SH3D21: variants seen among roughly 807,000 people sequenced by gnomAD.
SH3D21 encodes the protein SH3 domain-containing protein 21.
SH3D21 carries 83 observed loss-of-function variants against 82.1 expected under a neutral mutation model. The observed-to-expected ratio is 1.01, with a 90% CI of 0.85 to 1.21. The LOEUF is 1.21. Among genes scored for constraint, SH3D21 ranks in the 50% most tolerant of loss-of-function variants. The pLI is 0.00. For missense variants in SH3D21, 980 were observed against 962.1 expected, an observed-to-expected ratio of 1.02 and a Z score of -0.25; for synonymous variants, 383 against 387.8, an observed-to-expected ratio of 0.99 and a Z score of 0.15.
At chr1:36,322,468 T>A (rs1202001077), downstream of SH3D21, 14 of 1,604,598 alleles carry the variant, frequency 8.7e-6, no homozygotes, top group Non-Finnish European at 1.1e-5. Context: ...ACGTTGACGT[T>A]GAGGGGCCCG....
In SH3D21 at chr1:36,307,752, C is replaced by T; in HGVS notation, c.437-18C>T. ...CCTGTGAATTAGCACCCTCCCTAAC[C>T]TCACTGTCCCCCACTAGGCCTTGGT... On this transcript the variant is annotated intron_variant, in intron 5 of 15. Transcript: ENST00000453908. This position sits in a 1 kb window ranked among gnomAD's most constrained non-coding sequence, Gnocchi z 5.4. 3.9e-6 allele frequency: 6 copies of T among 1,551,258 alleles called. No homozygotes were observed. Among genetic ancestry groups the T allele is most frequent in the African/African-American group, 2.7e-5 (2 of 73,164 alleles).
chr1:36,325,520 A>G (rs1646533121), downstream of SH3D21, among the ~76,000 whole-genome samples: 1 of 151,994 alleles, frequency 6.6e-6, no homozygotes, highest in African/African-American at 2.4e-5. Context: ...TCCCCTGAGA[A>G]TACTGAGGGA....
In SH3D21 at chr1:36,306,866, T is replaced by C; in HGVS notation, c.187T>C (p.Ser63Pro). 1 of 1,298,272 alleles carries C rather than the reference T, an allele frequency of 7.7e-7. No homozygotes were observed. The highest frequency in any genetic ancestry group is 1.0e-6 in the Non-Finnish European group (1 of 993,726). The allele number at this position is 1,298,272 out of a possible 1,614,324, so 80.4% of individuals were successfully genotyped here. ...VQEIPETLRGSGEARRPRCAR... is the reference protein window; with the variant it reads ...VQEIPETLRGPGEARRPRCAR... ...GGAGATCCCAGAGACCCTGCGGGGC[T>C]CCGGAGAGGCGCGGAGGCCGCGCTG... is the stretch of plus-strand genomic sequence containing the variant. Residue 63 changes from serine to proline, a missense_variant, in exon 3 of 16, where the codon TCC becomes CCC. Coordinates refer to ENST00000453908, the MANE Select transcript of SH3D21 (RefSeq NM_001162530.2). This position sits in a 1 kb window ranked among gnomAD's most constrained non-coding sequence, Gnocchi z 4.5.
chr1:36,321,542 C>A, downstream of SH3D21: 1 of 729,016 alleles, frequency 1.4e-6, no homozygotes, highest in Non-Finnish European at 1.8e-6. This position sits in a 1 kb window ranked among gnomAD's most constrained non-coding sequence, Gnocchi z 6.1. Context: ...TTCTCGCCAG[C>A]TCGGACCCCT....
chr1:36,327,903 C>T, downstream of SH3D21: 1 of 1,281,812 alleles, frequency 7.8e-7, no homozygotes, highest in South Asian at 1.2e-5. Context: ...CTGCTGCTCC[C>T]CAGCCCACCA....
At position 36,306,830 on chromosome 1, in the gene SH3D21, C is replaced by G. The variant is rs909606419; in HGVS notation, c.163-12C>G. ...GGAGCTGAGAGCGCCTTCCCCGTGCCCTGATTCCCAGGAGATCCCAGAGAC... is the reference window on the plus strand; with the variant it reads ...GGAGCTGAGAGCGCCTTCCCCGTGCGCTGATTCCCAGGAGATCCCAGAGAC... On this transcript the variant is annotated splice_polypyrimidine_tract_variant and intron_variant, in intron 2 of 15. Coordinates refer to ENST00000453908, the MANE Select transcript of SH3D21 (RefSeq NM_001162530.2). This position sits in a 1 kb window ranked among gnomAD's most constrained non-coding sequence, Gnocchi z 4.5. 2 of 1,295,812 alleles carry G rather than the reference C, an allele frequency of 1.5e-6. No homozygotes were observed. The highest frequency in any genetic ancestry group is 2.0e-6 in the Non-Finnish European group (2 of 989,678). 80.3% of individuals were successfully genotyped at this position (1,295,812 alleles called of 1,614,324 possible).
intron 10 of SH3D21, among the ~76,000 whole-genome samples, chr1:36,315,532 A>G (rs112977333): frequency 3.9e-5 from 6 of 151,902 alleles, no homozygotes; most frequent in Non-Finnish European, 8.8e-5. Context: ...TTATTTTTGT[A>G]GAGAGGGGGT....
chr1:36,314,812 A>G (rs1646311321), intron 10 of SH3D21, among the ~76,000 whole-genome samples: 1 of 151,942 alleles, frequency 6.6e-6, no homozygotes, highest in African/African-American at 2.4e-5. Context: ...CCATTTATCT[A>G]TTTTTTTGGT....
At chr1:36,308,322 G>T in intron 8 of SH3D21, 67 bp from the exon 9 acceptor site, 1 of 1,500,070 alleles carries the variant, frequency 6.7e-7, no homozygotes, top group Admixed American at 2.0e-5. Flanking sequence ...CCATAAGAAG[G>T]AGTGGGACCC....
chr1:36,307,060 T>C lies in SH3D21; in HGVS notation c.227-107T>C, dbSNP rs981256688. ...GGTTCTCGAGTGCAATGCTCCGCCC[T>C]GGGGCGGGGCTGGAGGGACCAAAGG... On this transcript the variant is annotated intron_variant, in intron 3 of 15. Coordinates refer to ENST00000453908, the MANE Select transcript of SH3D21 (RefSeq NM_001162530.2). The surrounding 1 kb of genome is among the most constrained non-coding windows in gnomAD (Gnocchi z 5.4). The C allele has an allele frequency of 3.6e-5, 54 of 1,494,074 alleles. No individual in the cohort carries two copies. The African/African-American group carries it at 6.2e-4, about 17-fold the overall frequency. The allele number at this position is 1,494,074 out of a possible 1,614,324, so 92.6% of individuals were successfully genotyped here.
chr1:36,307,920 G>A lies in SH3D21; in HGVS notation c.495G>A (p.Leu165=), dbSNP rs763310621. Residue 165 remains leucine (L), a splice_region_variant and synonymous_variant, in exon 7 of 16, where the codon CTG becomes CTA. Coordinates refer to ENST00000453908, the MANE Select transcript of SH3D21 (RefSeq NM_001162530.2). The surrounding 1 kb of genome is among the most constrained non-coding windows in gnomAD (Gnocchi z 5.4). ...VSPGPQRPPK[L]SSLAYDSPPD... ...CTCCCTGCCCCTTCCCCCACTAGCTGAGCAGCCTGGCCTATGACAGCCCTC... is the reference window on the plus strand; with the variant it reads ...CTCCCTGCCCCTTCCCCCACTAGCTAAGCAGCCTGGCCTATGACAGCCCTC... The A allele has an allele frequency of 4.5e-6, 7 of 1,551,692 alleles. No homozygotes were observed. Among genetic ancestry groups the A allele is most frequent in the Non-Finnish European group, 5.2e-6 (6 of 1,146,996 alleles).
At position 36,306,968 on chromosome 1, in the gene SH3D21, G is replaced by C; in HGVS notation, c.226+63G>C. 7.4e-7 allele frequency: 1 copy of C among 1,356,524 alleles called. No homozygotes were observed. The highest frequency in any genetic ancestry group is 2.9e-4 in the Middle Eastern group (1 of 3,460). 84.0% of individuals were successfully genotyped at this position (1,356,524 alleles called of 1,614,324 possible). A position where few individuals can be genotyped will look rare whatever the true frequency, so the allele number is the denominator to read the frequency against. On this transcript the variant is annotated intron_variant, in intron 3 of 15. Coordinates refer to ENST00000453908, the MANE Select transcript of SH3D21 (RefSeq NM_001162530.2). The surrounding 1 kb of genome is among the most constrained non-coding windows in gnomAD (Gnocchi z 4.5). ...TGCACGGAGCCAGTGCGACCCCGGC[G>C]TCTCCGGCTCTTAGTGACGGGCGCG...
In SH3D21 at chr1:36,321,154, C is replaced by T; in HGVS notation, c.*27C>T. 1 of 1,603,704 alleles carries T rather than the reference C, an allele frequency of 6.2e-7. No individual in the cohort carries two copies. The highest frequency in any genetic ancestry group is 8.5e-7 in the Non-Finnish European group (1 of 1,175,622). On this transcript the variant is annotated 3_prime_UTR_variant, in exon 16 of 16. Transcript: ENST00000453908. The surrounding 1 kb of genome is among the most constrained non-coding windows in gnomAD (Gnocchi z 6.1). ...GGTGGGCCTGGGAAGGGACCGCGGC[C>T]TGACCTGGCTGGGGCCACCCACGTC...
downstream of SH3D21, chr1:36,327,890 T>G: frequency 7.8e-7 from 1 of 1,288,726 alleles, no homozygotes; most frequent in Non-Finnish European, 1.0e-6. Context: ...GCTGCTTGAC[T>G]GCCTGCTGCT....
chr1:36,322,648 TGAC>T, downstream of SH3D21: 1 of 1,545,164 alleles, frequency 6.5e-7, no homozygotes, highest in Non-Finnish European at 8.7e-7. Flanking sequence ...GAGATGCTGA[TGAC>T]GAGCAGGCAG....
rs1646196532 is a variant in SH3D21 at position 36,309,556 on chromosome 1, G to A, written c.735G>A (p.Lys245=). ...NFVLPPPPIK[K]LVPRKVVSRE... is the part of the protein sequence containing the mutation. ...ACTTCTTTTCGGCATAGATCAAGAA[G>A]CTGGTCCCACGGAAAGTGGTATCTC... The change falls in exon 10 of 16, where the codon AAG becomes AAA. Residue 245 remains lysine (K), a synonymous_variant. Coordinates refer to ENST00000453908, the MANE Select transcript of SH3D21 (RefSeq NM_001162530.2). The A allele has an allele frequency of 6.4e-7, 1 of 1,551,694 alleles. No homozygotes were observed.
chr1:36,316,717 C>T (rs1646349911), intron 10 of SH3D21, among the ~76,000 whole-genome samples: 3 of 150,936 alleles, frequency 2.0e-5, no homozygotes, highest in African/African-American at 7.3e-5. Flanking sequence ...AGCCACAGAG[C>T]AGAGCTGCCC....
At chr1:36,327,941 C>T (rs373693625), downstream of SH3D21, 9 of 1,138,598 alleles carry the variant, frequency 7.9e-6, no homozygotes, top group Admixed American at 2.3e-5. Flanking sequence ...CCCAGCCACC[C>T]GCTTCGGATC....
At position 36,307,840 on chromosome 1, in the gene SH3D21, A is replaced by G; in HGVS notation, c.492+15A>G. 1 of 1,551,744 alleles carries G rather than the reference A, an allele frequency of 6.4e-7. No individual in the cohort carries two copies. Among genetic ancestry groups the G allele is most frequent in the South Asian group, 1.2e-5 (1 of 84,060 alleles). On this transcript the variant is annotated intron_variant, in intron 6 of 15. Transcript: ENST00000453908. The surrounding 1 kb of genome is among the most constrained non-coding windows in gnomAD (Gnocchi z 5.4). ...GGCCTCCCAAGGTAAGTTGGCTCAG[A>G]GTAGGCACAGAGGTGGTGAGTTCCT...
Sources: gnomAD v4.1 joint callset for allele counts (sites outside exome capture counted in the v4.1 genomes callset) on GRCh38, gnomAD v4.1.1 for gene constraint, Gnocchi (gnomAD v3.1) non-coding constraint, MANE v1.5 for transcripts, NCBI Gene and HGNC (gene_info 2026-07-23, HGNC 2026-07-21) for gene names.